The following FTO variants were observed in gnomAD, a reference collection of about 807,000 sequenced individuals.
FTO encodes alpha-ketoglutarate-dependent dioxygenase FTO.
In FTO, 47 loss-of-function variants were observed where a neutral mutation model predicts 63.9. That is an observed-to-expected ratio of 0.74 (90% CI 0.58 to 0.94). The LOEUF (loss-of-function observed/expected upper bound fraction) is 0.94, where lower values mean the gene tolerates loss of function less well. FTO is among the 40% of genes least tolerant of loss of function. FTO has a pLI of 0.00. For missense variants in FTO, 562 were observed against 618.1 expected, an observed-to-expected ratio of 0.91 and a Z score of 0.96; for synonymous variants, 207 against 224.4, an observed-to-expected ratio of 0.92 and a Z score of 0.69.
chr16:53,881,731 A>G (rs2080842573), intron 6 of FTO, among the ~76,000 whole-genome samples: 1 of 152,272 alleles, frequency 6.6e-6, no homozygotes, highest in African/African-American at 2.4e-5. Context: ...GACTACATAC[A>G]TTGTTTAGTT....
At chr16:54,076,374 T>C (rs1228820283) in intron 8 of FTO, among the ~76,000 whole-genome samples, 1 of 152,158 alleles carries the variant, frequency 6.6e-6, no homozygotes, top group African/African-American at 2.4e-5. Flanking sequence ...GAGTCACTTT[T>C]TCAGAGCAGC....
At chr16:53,971,188 C>A (rs7184244) in intron 8 of FTO, among the ~76,000 whole-genome samples, 90,742 of 151,864 alleles carry the variant, frequency 0.6, 27,300 homozygotes, top group East Asian at 0.77. Context: ...ATTGTTGGAC[C>A]TTTAAGTTGC....
intron 8 of FTO, among the ~76,000 whole-genome samples, chr16:54,066,974 T>G (rs1022903528): frequency 6.6e-6 from 1 of 152,252 alleles, no homozygotes; most frequent in African/African-American, 2.4e-5. Flanking sequence ...GAGGTCACAC[T>G]CATATTTCTT....
rs1395227490 is a variant in FTO, at chr16:54,119,124, AC to A, written c.*7210del. On this transcript the variant is annotated 3_prime_UTR_variant, in exon 9 of 9. Transcript: ENST00000471389. Reference sequence around the variant, plus strand: ...GTTAAGGCCTCTTTAGGTTTTTCAGACTCCATGCACCCTGTGGAAACTGCCT... The same window carrying A: ...GTTAAGGCCTCTTTAGGTTTTTCAGATCCATGCACCCTGTGGAAACTGCCT... 1.3e-5 allele frequency: 2 copies of A among 151,982 alleles called. No individual in the cohort carries two copies. The highest frequency in any genetic ancestry group is 2.9e-5 in the Non-Finnish European group (2 of 68,006). The allele number at this position is 151,982 out of a possible 1,614,324, so 9.4% of individuals were successfully genotyped here.
At position 54,114,786 on chromosome 16, in the gene FTO, T is replaced by C. The variant is rs565457646; in HGVS notation, c.*2871T>C. The C allele has an allele frequency of 1.0e-4, 16 of 152,620 alleles. No homozygotes were observed. The highest frequency in any genetic ancestry group is 3.6e-4 in the African/African-American group (15 of 41,594). 9.5% of individuals were successfully genotyped at this position (152,620 alleles called of 1,614,324 possible). A position where few individuals can be genotyped will look rare whatever the true frequency, so the allele number is the denominator to read the frequency against. ...TGGGTGTGGTGGTGTGTGCCTGTAA[T>C]CCCAGCTACTCGGGAGGCTGAGGCA... On this transcript the variant is annotated 3_prime_UTR_variant, in exon 9 of 9. Transcript: ENST00000471389.
intron 1 of FTO, among the ~76,000 whole-genome samples, chr16:53,773,494 A>G (rs764034695): frequency 2.0e-5 from 3 of 152,124 alleles, no homozygotes; most frequent in Non-Finnish European, 4.4e-5. Context: ...ACGCCCTGAA[A>G]CATGCACCTC....
intron 8 of FTO, among the ~76,000 whole-genome samples, chr16:54,057,753 G>T (rs750534469): frequency 6.6e-6 from 1 of 152,040 alleles, no homozygotes; most frequent in African/African-American, 2.4e-5. Context: ...ATGCTCGCCC[G>T]ATATATAAAT....
At chr16:53,762,019 A>G (rs962098820) in intron 1 of FTO, among the ~76,000 whole-genome samples, 5 of 152,206 alleles carry the variant, frequency 3.3e-5, no homozygotes, top group African/African-American at 1.2e-4. Context: ...TCATTGGTTT[A>G]TAGCTTCAAG....
intron 2 of FTO, among the ~76,000 whole-genome samples, chr16:53,817,470 G>A (rs1319373052): frequency 6.6e-6 from 1 of 152,160 alleles, no homozygotes; most frequent in Non-Finnish European, 1.5e-5. Context: ...GAAAGTGTTA[G>A]GAGCAAAATC....
At chr16:54,036,206 C>T (rs1353242664) in intron 8 of FTO, among the ~76,000 whole-genome samples, 1 of 152,142 alleles carries the variant, frequency 6.6e-6, no homozygotes, top group African/African-American at 2.4e-5. Flanking sequence ...TATTGGCCCT[C>T]AGTATTCTGA....
chr16:54,037,555 TG>T (rs1338144587), intron 8 of FTO, among the ~76,000 whole-genome samples: 2 of 152,256 alleles, frequency 1.3e-5, no homozygotes, highest in Non-Finnish European at 2.9e-5. Context: ...GAGCATCTAG[TG>T]TATCTTTTAT....
At chr16:53,832,282 G>C (rs193269077) in intron 3 of FTO, among the ~76,000 whole-genome samples, 2 of 152,226 alleles carry the variant, frequency 1.3e-5, no homozygotes, top group African/African-American at 4.8e-5. Context: ...TATACATATT[G>C]AACATTTATA....
At chr16:53,777,126 A>T (rs1184703889) in intron 1 of FTO, among the ~76,000 whole-genome samples, 1 of 152,156 alleles carries the variant, frequency 6.6e-6, no homozygotes, top group Non-Finnish European at 1.5e-5. Flanking sequence ...ACTGTTTACT[A>T]GTCAGCATGC....
chr16:53,876,986 G>A (rs567615726), intron 5 of FTO, among the ~76,000 whole-genome samples: 8 of 152,264 alleles, frequency 5.3e-5, no homozygotes, highest in South Asian at 2.1e-4. Flanking sequence ...AATGCTGAAC[G>A]TCATTAGTCA....
intron 1 of FTO, among the ~76,000 whole-genome samples, chr16:53,716,879 AT>A (rs2075906295): frequency 6.6e-6 from 1 of 150,710 alleles, no homozygotes; most frequent in African/African-American, 2.4e-5. Flanking sequence ...GAATATTGTT[AT>A]TATGCTTATA....
chr16:53,726,600 G>T (rs1378707764), intron 1 of FTO, among the ~76,000 whole-genome samples: 3 of 152,194 alleles, frequency 2.0e-5, no homozygotes, highest in Non-Finnish European at 4.4e-5. Flanking sequence ...ATTTGAGACA[G>T]CTTGAATGGC....
chr16:53,880,084 T>G, intron 6 of FTO, 97 bp downstream of exon 6: 1 of 883,206 alleles, frequency 1.1e-6, no homozygotes, highest in Admixed American at 2.1e-5. Context: ...AACCTCCATC[T>G]CCCAGGTTCA....
intron 8 of FTO, among the ~76,000 whole-genome samples, chr16:53,938,822 G>C (rs1212606144): frequency 1.3e-5 from 2 of 152,136 alleles, no homozygotes; most frequent in African/African-American, 2.4e-5. Context: ...GGGCATGGTG[G>C]CTCACGCCTG....
At chr16:54,089,055 G>T (rs551822638) in intron 8 of FTO, among the ~76,000 whole-genome samples, 1 of 152,166 alleles carries the variant, frequency 6.6e-6, no homozygotes, top group Admixed American at 6.5e-5. Flanking sequence ...GGCGAATTCC[G>T]TGAGAAGTTT....
Sources: allele counts gnomAD v4.1 joint callset (sites outside exome capture counted in the v4.1 genomes callset), GRCh38; gene constraint gnomAD v4.1.1; transcripts MANE v1.5; gene names NCBI Gene and HGNC (gene_info 2026-07-23, HGNC 2026-07-21).